ASIC2: variants seen among roughly 807,000 people sequenced by gnomAD.
ASIC2 encodes acid sensing ion channel subunit 2, also known as acid-sensing ion channel 2.
A neutral mutation model predicts 57.3 loss-of-function variants in ASIC2; 25 were observed. The ratio of observed to expected loss-of-function variants is 0.44; its 90% CI spans 0.32 to 0.61. The LOEUF (loss-of-function observed/expected upper bound fraction) is 0.61, where lower values mean the gene tolerates loss of function less well. Ranked by LOEUF, ASIC2 falls within the 20% of genes least tolerant of loss-of-function variation. ASIC2 has a pLI of 0.06. For missense variants in ASIC2, 641 were observed against 738.1 expected (o/e 0.87, Z 1.52); for synonymous variants, 319 against 307.5 (o/e 1.04, Z -0.39).
chr17:33,745,833 T>C (rs1597859199), intron 1 of ASIC2, among the ~76,000 whole-genome samples: 2 of 152,112 alleles, frequency 1.3e-5, no homozygotes, highest in Admixed American at 6.6e-5. Flanking sequence ...TAAGCCTAGA[T>C]GGAAATTTGA....
At chr17:33,493,004 T>C (rs1002656324) in intron 1 of ASIC2, among the ~76,000 whole-genome samples, 1 of 152,234 alleles carries the variant, frequency 6.6e-6, no homozygotes, top group Non-Finnish European at 1.5e-5. Context: ...GTCAGGGCTA[T>C]AGTCAGTCAA....
chr17:33,299,539 G>T (rs1015354632), intron 1 of ASIC2, among the ~76,000 whole-genome samples: 2 of 150,656 alleles, frequency 1.3e-5, no homozygotes, highest in African/African-American at 4.9e-5. Flanking sequence ...CCCTCACTCT[G>T]TTTTTTTTTG....
rs1308841605 is a variant in ASIC2 at position 33,899,241 on chromosome 17, C to A, written c.555+256737G>T. The stretch of plus-strand genomic sequence containing the variant: ...TTCACCTCTCCACACCCTAGCTTAG[C>A]CACATGACAGGGCGATGCTGCTGCC... On this transcript the variant is annotated intron_variant, in intron 1 of 9. Coordinates refer to the ASIC2 transcript ENST00000359872. Among the ~76,000 whole-genome samples the A allele has an allele frequency of 3.9e-5, 6 of 152,242 alleles. No individual in the cohort carries two copies. The East Asian group carries it at 9.7e-4, about 25-fold the overall frequency.
At chr17:33,681,718 A>G (rs1908007260) in intron 1 of ASIC2, among the ~76,000 whole-genome samples, 1 of 152,216 alleles carries the variant, frequency 6.6e-6, no homozygotes, top group South Asian at 2.1e-4. Context: ...TAGTCCTGCC[A>G]GGTTCAGAAC....
chr17:33,499,132 T>C (rs529775050), intron 1 of ASIC2, among the ~76,000 whole-genome samples: 22 of 152,314 alleles, frequency 1.4e-4, no homozygotes, highest in African/African-American at 5.3e-4. Context: ...TGGTTCCTTT[T>C]GTGTTTGTTT....
intron 1 of ASIC2, among the ~76,000 whole-genome samples, chr17:33,898,153 CT>C (rs1469737609): frequency 7.0e-6 from 1 of 143,772 alleles, no homozygotes; most frequent in East Asian, 2.0e-4. Context: ...CTTATTTTTA[CT>C]TTTTATTTGG....
intron 1 of ASIC2, among the ~76,000 whole-genome samples, chr17:33,455,328 A>G (rs963030904): frequency 3.3e-5 from 5 of 151,986 alleles, no homozygotes; most frequent in African/African-American, 1.2e-4. Context: ...TAGTTTTTCA[A>G]CCCTTGCACT....
At chr17:33,723,411 C>A (rs562234676) in intron 1 of ASIC2, among the ~76,000 whole-genome samples, 1 of 152,282 alleles carries the variant, frequency 6.6e-6, no homozygotes, top group East Asian at 1.9e-4. Flanking sequence ...TCACTGCAAC[C>A]TCCTCTTCCC....
At chr17:33,601,457 C>A (rs892332420) in intron 1 of ASIC2, among the ~76,000 whole-genome samples, 9 of 152,194 alleles carry the variant, frequency 5.9e-5, no homozygotes, top group African/African-American at 2.2e-4. Flanking sequence ...CTCAGGCAGG[C>A]CCAAGTGCAG....
chr17:33,252,089 G>A (rs191453561), intron 1 of ASIC2, among the ~76,000 whole-genome samples: 5 of 152,278 alleles, frequency 3.3e-5, no homozygotes, highest in Non-Finnish European at 5.9e-5. Context: ...AAGAACTGGG[G>A]TCTTGCTATT....
chr17:33,678,838 A>C (rs965568880), intron 1 of ASIC2, among the ~76,000 whole-genome samples: 13 of 152,102 alleles, frequency 8.5e-5, no homozygotes, highest in African/African-American at 2.9e-4. Context: ...TTAGCTTCAG[A>C]AACCCTCCCT....
intron 1 of ASIC2, chr17:33,634,710 C>CTTTTTTTTTTT (rs71144892): frequency 1.4e-5 from 1 of 74,038 alleles, no homozygotes; most frequent in Non-Finnish European, 2.7e-5. Flanking sequence ...TTCTTTCTTT[C>CTTTTTTTTTTT]TTTTTTTTTT....
intron 1 of ASIC2, among the ~76,000 whole-genome samples, chr17:33,352,851 C>T (rs1019812328): frequency 1.3e-5 from 2 of 152,138 alleles, no homozygotes; most frequent in African/African-American, 2.4e-5. Flanking sequence ...CCCTTCCTGG[C>T]CTTCTCTCAT....
chr17:33,310,101 T>A (rs564696394), intron 1 of ASIC2, among the ~76,000 whole-genome samples: 1 of 151,746 alleles, frequency 6.6e-6, no homozygotes, highest in South Asian at 2.1e-4. Context: ...ATACCATTAT[T>A]TGATGCTTGT....
chr17:33,538,388 C>T (rs1412605534), intron 1 of ASIC2, among the ~76,000 whole-genome samples: 1 of 152,170 alleles, frequency 6.6e-6, no homozygotes, highest in East Asian at 1.9e-4. Flanking sequence ...TCCTCATTCC[C>T]CATGGCATCC....
chr17:33,948,363 G>C (rs969608070), intron 1 of ASIC2, among the ~76,000 whole-genome samples: 3 of 152,240 alleles, frequency 2.0e-5, no homozygotes, highest in African/African-American at 7.2e-5. Flanking sequence ...GCCTCATTTT[G>C]TCAGTGAAGC....
At chr17:33,092,652 C>G (rs558818894) in intron 2 of ASIC2, among the ~76,000 whole-genome samples, 1 of 152,336 alleles carries the variant, frequency 6.6e-6, no homozygotes, top group African/African-American at 2.4e-5. Flanking sequence ...CAAGGTCAGA[C>G]AGCAAGTCAA....
At chr17:33,442,294 G>A (rs1377143074) in intron 1 of ASIC2, among the ~76,000 whole-genome samples, 2 of 152,120 alleles carry the variant, frequency 1.3e-5, no homozygotes, top group African/African-American at 4.8e-5. Flanking sequence ...TTTACAATCA[G>A]CTTGTTAATT....
At chr17:33,594,359 A>C (rs1904916841) in intron 1 of ASIC2, among the ~76,000 whole-genome samples, 1 of 152,262 alleles carries the variant, frequency 6.6e-6, no homozygotes, top group Admixed American at 6.5e-5. Context: ...ATCAGGTGCA[A>C]GTCTGAAGTG....
Sources: gnomAD v4.1 joint callset for allele counts (sites outside exome capture counted in the v4.1 genomes callset) on GRCh38, gnomAD v4.1.1 for gene constraint, MANE v1.5 for transcripts, NCBI Gene and HGNC (gene_info 2026-07-23, HGNC 2026-07-21) for gene names.